Variants in SLC38A1 observed in about 807,000 individuals in gnomAD.
The protein encoded by SLC38A1 is solute carrier family 38 member 1.
In SLC38A1, 18 loss-of-function variants were observed where a neutral mutation model predicts 60.3. The observed-to-expected ratio is 0.30, with a 90% CI of 0.21 to 0.44. The LOEUF is 0.44. SLC38A1 is among the 20% of genes least tolerant of loss of function. The pLI, the probability that SLC38A1 is intolerant of heterozygous loss-of-function variation, is 1.00. For synonymous variants in SLC38A1, 196 were observed against 212.1 expected (o/e 0.92, Z 0.66); for missense variants, 448 against 587.2 (o/e 0.76, Z 2.45).
chr12:46,205,218 C>CT, intron 9 of SLC38A1, among the ~76,000 whole-genome samples: 1 of 152,168 alleles, frequency 6.6e-6, no homozygotes, highest in Admixed American at 6.5e-5. Context: ...AGGGGAAGAG[C>CT]TTTTCTCTAC....
intron 9 of SLC38A1, among the ~76,000 whole-genome samples, chr12:46,204,939 C>G (rs1939826812): frequency 6.6e-6 from 1 of 152,194 alleles, no homozygotes; most frequent in South Asian, 2.1e-4. Flanking sequence ...TTGGTGGACC[C>G]TGATGGAGTC....
At chr12:46,249,650 G>A (rs1347654534) in intron 1 of SLC38A1, among the ~76,000 whole-genome samples, 1 of 151,976 alleles carries the variant, frequency 6.6e-6, no homozygotes, top group Non-Finnish European at 1.5e-5. Context: ...AATGATAAAG[G>A]GGATATCACC....
intron 5 of SLC38A1, among the ~76,000 whole-genome samples, chr12:46,218,938 G>A (rs1282096819): frequency 6.6e-6 from 1 of 152,174 alleles, no homozygotes; most frequent in African/African-American, 2.4e-5. Flanking sequence ...GATACATGGA[G>A]TACAGCTCTG....
chr12:46,233,150 C>A (rs1450606395), intron 3 of SLC38A1, among the ~76,000 whole-genome samples: 2 of 152,070 alleles, frequency 1.3e-5, no homozygotes, highest in East Asian at 3.9e-4. Context: ...TCCCAAGTAG[C>A]TGGGACTACG....
chr12:46,264,742 T>G (rs1258332996), intron 1 of SLC38A1, among the ~76,000 whole-genome samples: 1 of 152,208 alleles, frequency 6.6e-6, no homozygotes, highest in Non-Finnish European at 1.5e-5. Context: ...GTACCCAATC[T>G]GTAGCTTTTT....
chr12:46,207,106 A>T, intron 8 of SLC38A1, 49 bp downstream of exon 8: 1 of 1,286,114 alleles, frequency 7.8e-7, no homozygotes, highest in Non-Finnish European at 1.1e-6. Context: ...GCCCATATTT[A>T]AATTAAAAAC....
At chr12:46,260,820 G>A (rs1392262879) in intron 1 of SLC38A1, among the ~76,000 whole-genome samples, 2 of 152,028 alleles carry the variant, frequency 1.3e-5, no homozygotes, top group African/African-American at 4.8e-5. Flanking sequence ...CAGTTTCACA[G>A]CCTGAACTTT....
rs201237524 is a variant in SLC38A1, at chr12:46,229,128, A to G, written c.314+25T>C. 3.6e-4 allele frequency: 497 copies of G among 1,363,532 alleles called. 3 individuals carry two copies. The highest frequency in any genetic ancestry group is 4.9e-4 in the Non-Finnish European group (469 of 963,494). 84.5% of individuals were successfully genotyped at this position (1,363,532 alleles called of 1,614,324 possible). ...TACAAAAAGTTCAGTTTTAAAATGG[A>G]AAGTACCGGCACGTCAATACTCACA... On this transcript the variant is annotated intron_variant, in intron 5 of 16. Transcript: ENST00000398637.
At position 46,187,228 on chromosome 12, in the gene SLC38A1, G is replaced by C. The variant is rs1282845400; in HGVS notation, c.*1742C>G. ...GGGACAGTAGTGTGATTCTCAGTGA[G>C]AGTGAAGGCCTTTGGGGATTTGAGT... On this transcript the variant is annotated 3_prime_UTR_variant, in exon 17 of 17. Transcript: ENST00000398637. The C allele has an allele frequency of 6.6e-6, 1 of 152,228 alleles. No individual in the cohort carries two copies. Among genetic ancestry groups the C allele is most frequent in the Non-Finnish European group, 1.5e-5 (1 of 68,064 alleles). The allele number at this position is 152,228 out of a possible 1,614,324, so 9.4% of individuals were successfully genotyped here. A position where few individuals can be genotyped will look rare whatever the true frequency, so the allele number is the denominator to read the frequency against.
In SLC38A1 at chr12:46,268,795, GC is replaced by G. The variant is rs1942450177; in HGVS notation, c.-479del. 9 of 399,752 alleles carry G rather than the reference GC, an allele frequency of 2.3e-5. No individual in the cohort carries two copies. Among genetic ancestry groups the G allele is most frequent in the South Asian group, 1.4e-4 (8 of 58,422 alleles). 24.8% of individuals were successfully genotyped at this position (399,752 alleles called of 1,614,324 possible). ...CTCGCCTGGCTCTCCTCCTTTCCGG[GC>G]CGATTGCATCAGAATCTCCCCTCAC... On this transcript the variant is annotated 5_prime_UTR_variant, in exon 1 of 17. It removes the in-frame stop codon of an upstream open reading frame in the 5' UTR. Coordinates refer to ENST00000398637, the MANE Select transcript of SLC38A1 (RefSeq NM_030674.4). The surrounding 1 kb of genome is among the most constrained non-coding windows in gnomAD (Gnocchi z 4.4).
chr12:46,196,390 A>G, intron 16 of SLC38A1: 1 of 1,383,484 alleles, frequency 7.2e-7, no homozygotes, highest in Non-Finnish European at 9.6e-7. Flanking sequence ...GTCTAATGCC[A>G]TTTGGAAGAC....
chr12:46,207,546 G>A lies in SLC38A1; in HGVS notation c.464C>T (p.Ser155Phe), dbSNP rs771288578. The stretch of plus-strand genomic sequence containing the variant: ...CTTTTTACCTCCAGTGTTCTGTAGA[G>A]AGGTGGCTCCAAAGATTACGAACTT... ...TGKFVIFGAT[S>F]LQNTGAMLSY... The change falls in exon 7 of 17, where the codon TCT becomes TTT. Residue 155 changes from serine to phenylalanine, a missense_variant. Coordinates refer to ENST00000398637, the MANE Select transcript of SLC38A1 (RefSeq NM_030674.4). The A allele has an allele frequency of 2.5e-6, 4 of 1,613,922 alleles. No individual in the cohort carries two copies. Among genetic ancestry groups the A allele is most frequent in the Non-Finnish European group, 3.4e-6 (4 of 1,179,782 alleles).
chr12:46,199,305 CT>C (rs1388724561), intron 13 of SLC38A1, among the ~76,000 whole-genome samples: 2 of 112,550 alleles, frequency 1.8e-5, no homozygotes, highest in East Asian at 5.2e-4. Flanking sequence ...TTATGTACTA[CT>C]TTGTGTGTGT....
intron 1 of SLC38A1, among the ~76,000 whole-genome samples, chr12:46,263,105 A>C (rs1034219467): frequency 1.3e-5 from 2 of 152,224 alleles, no homozygotes; most frequent in African/African-American, 4.8e-5. Flanking sequence ...GCTTTAAAAA[A>C]ATAAAAGTGA....
At chr12:46,210,025 C>T (rs927813019) in intron 5 of SLC38A1, among the ~76,000 whole-genome samples, 15 of 152,136 alleles carry the variant, frequency 9.9e-5, no homozygotes, top group Non-Finnish European at 1.6e-4. Context: ...CTGCAATTGA[C>T]TCTATGTTTG....
In SLC38A1 at chr12:46,190,765, C is replaced by T. The variant is rs570556685; in HGVS notation, c.1363-1694G>A. Reference sequence around the variant, plus strand: ...AGAAGTGTCTGTTCATATCCTTTGCCCACTTTTTGATGGGGTTGCTTTTTT... The same window carrying T: ...AGAAGTGTCTGTTCATATCCTTTGCTCACTTTTTGATGGGGTTGCTTTTTT... On this transcript the variant is annotated intron_variant, in intron 16 of 16. Transcript: ENST00000398637. 5.3e-5 allele frequency among the ~76,000 whole-genome samples: 8 copies of T among 152,200 alleles called. No individual in the cohort carries two copies. The East Asian group carries it at 1.2e-3, about 22-fold the overall frequency.
At chr12:46,207,887 G>T (rs541370334) in intron 6 of SLC38A1, among the ~76,000 whole-genome samples, 100 of 152,244 alleles carry the variant, frequency 6.6e-4, no homozygotes, top group Non-Finnish European at 1.2e-3. Context: ...AGGTCATAAG[G>T]CTTATTTTTA....
chr12:46,215,288 C>T (rs1940355188), intron 5 of SLC38A1, among the ~76,000 whole-genome samples: 1 of 152,222 alleles, frequency 6.6e-6, no homozygotes. Context: ...CACGGCTACC[C>T]AAGTAAGGTG....
intron 1 of SLC38A1, among the ~76,000 whole-genome samples, chr12:46,249,503 G>A (rs1470220218): frequency 1.3e-5 from 2 of 152,096 alleles, no homozygotes; most frequent in Admixed American, 1.3e-4. Context: ...AATTGAAGGA[G>A]ATAGAGATAC....
Sources: gnomAD v4.1 joint callset for allele counts (sites outside exome capture counted in the v4.1 genomes callset) on GRCh38, gnomAD v4.1.1 for gene constraint, Gnocchi (gnomAD v3.1) non-coding constraint, MANE v1.5 for transcripts, NCBI Gene and HGNC (gene_info 2026-07-23, HGNC 2026-07-21) for gene names.